The following ACYP2 variants were observed in gnomAD, a reference collection of about 807,000 sequenced individuals.
The protein encoded by ACYP2 is acylphosphatase-2.
Under a neutral mutation model 11.2 loss-of-function variants are expected in ACYP2, and 12 were observed. That is an observed-to-expected ratio of 1.08 (90% CI 0.69 to 1.74). The LOEUF (loss-of-function observed/expected upper bound fraction) is 1.74, where lower values mean the gene tolerates loss of function less well. Ranked by LOEUF, ACYP2 falls within the 40% of genes most tolerant of loss-of-function variation. The probability of loss-of-function intolerance (pLI) is 0.00; values close to 1 mark genes in which losing one functional copy is unlikely to be tolerated. For synonymous variants in ACYP2, 43 were observed against 32.2 expected (o/e 1.33, Z -1.13); for missense variants, 134 against 101.9 (o/e 1.31, Z -1.35).
chr2:54,012,785 A>T (rs983108209), intron 2 of ACYP2, among the ~76,000 whole-genome samples: 1 of 152,148 alleles, frequency 6.6e-6, no homozygotes, highest in Non-Finnish European at 1.5e-5. Context: ...ACTAGCAGCC[A>T]GAGTTTTCCT....
At chr2:54,104,964 A>G (rs529881071) in intron 4 of ACYP2, among the ~76,000 whole-genome samples, 4 of 152,280 alleles carry the variant, frequency 2.6e-5, no homozygotes, top group African/African-American at 7.2e-5. Context: ...GGCATGGGGT[A>G]TAATTCAGGT....
chr2:54,144,217 C>T (rs146828153), intron 6 of ACYP2, among the ~76,000 whole-genome samples: 152 of 152,160 alleles, frequency 1.0e-3, no homozygotes, highest in African/African-American at 3.3e-3. Flanking sequence ...AAACGATCCT[C>T]CTGCCTCGGC....
At chr2:54,235,342 TTTTTGTTCTGTTTTG>T (rs1686427410) in intron 6 of ACYP2, among the ~76,000 whole-genome samples, 1 of 152,084 alleles carries the variant, frequency 6.6e-6, no homozygotes. Context: ...TCACAAGTTT[TTTTTGTTCTGTTTTG>T]TTTTGTTTTG....
At chr2:54,001,069 C>T (rs922605835) in intron 2 of ACYP2, among the ~76,000 whole-genome samples, 3 of 152,106 alleles carry the variant, frequency 2.0e-5, no homozygotes, top group African/African-American at 7.2e-5. Flanking sequence ...AATTTTGATT[C>T]CTTGGCTTAG....
intron 6 of ACYP2, among the ~76,000 whole-genome samples, chr2:54,258,996 A>T (rs1481365254): frequency 6.6e-6 from 1 of 152,228 alleles, no homozygotes; most frequent in Non-Finnish European, 1.5e-5. Flanking sequence ...ATCCATTCCC[A>T]TGAGAAGTTA....
At chr2:54,202,889 A>G (rs566796322) in intron 6 of ACYP2, among the ~76,000 whole-genome samples, 2 of 151,844 alleles carry the variant, frequency 1.3e-5, no homozygotes, top group African/African-American at 4.8e-5. Flanking sequence ...GTAAGTTTTC[A>G]AATTGAAAAG....
intron 6 of ACYP2, among the ~76,000 whole-genome samples, chr2:54,242,713 T>C (rs1011229663): frequency 6.6e-6 from 1 of 152,190 alleles, no homozygotes; most frequent in African/African-American, 2.4e-5. Flanking sequence ...TTGCACTCCA[T>C]GTGCGCCATT....
chr2:53,982,525 G>A (rs1305955128), intron 2 of ACYP2, among the ~76,000 whole-genome samples: 1 of 152,140 alleles, frequency 6.6e-6, no homozygotes. Flanking sequence ...ATAACCAAAT[G>A]TCAGCTGGGG....
intron 2 of ACYP2, among the ~76,000 whole-genome samples, chr2:54,021,811 A>C (rs1483731101): frequency 6.6e-6 from 1 of 152,174 alleles, no homozygotes; most frequent in Non-Finnish European, 1.5e-5. Context: ...TTATTTTACA[A>C]CTGGGTTGTA....
chr2:54,031,502 C>T (rs558579158), intron 2 of ACYP2, among the ~76,000 whole-genome samples: 2 of 152,126 alleles, frequency 1.3e-5, no homozygotes, highest in African/African-American at 4.8e-5. Flanking sequence ...ATATGTGCGA[C>T]ATTTTCTTAA....
chr2:54,064,861 G>A (rs947441748), intron 4 of ACYP2, among the ~76,000 whole-genome samples: 14 of 152,086 alleles, frequency 9.2e-5, no homozygotes, highest in African/African-American at 9.7e-5. Flanking sequence ...CGAAGCGGGC[G>A]GATCACAAAG....
In ACYP2 at chr2:54,305,216, T is replaced by A. The variant is rs1689872913; in HGVS notation, c.*414T>A. ...ATTTGTTACTACGGTTATTTGTTAT[T>A]AAACTCTTCAAAAAGAACCAGTGAT... On this transcript the variant is annotated 3_prime_UTR_variant, in exon 7 of 7. Coordinates refer to ENST00000607452, the MANE Select transcript of ACYP2 (RefSeq NM_001320586.2). 1 of 153,096 alleles carries A rather than the reference T, an allele frequency of 6.5e-6. No homozygotes were observed. The highest frequency in any genetic ancestry group is 2.4e-5 in the African/African-American group (1 of 41,490). The allele number at this position is 153,096 out of a possible 1,614,324, so 9.5% of individuals were successfully genotyped here.
chr2:54,035,534 G>T (rs1417097918), intron 2 of ACYP2, among the ~76,000 whole-genome samples: 1 of 152,028 alleles, frequency 6.6e-6, no homozygotes, highest in Admixed American at 6.6e-5. Context: ...CAAAGTGCTG[G>T]AATTACAGGT....
chr2:54,039,626 C>T (rs1299032964), intron 2 of ACYP2, among the ~76,000 whole-genome samples: 8 of 151,878 alleles, frequency 5.3e-5, no homozygotes. Flanking sequence ...GGGGTTTCAT[C>T]ATGTTGCCCA....
chr2:54,266,183 T>G (rs1397342647), intron 6 of ACYP2, among the ~76,000 whole-genome samples: 1 of 152,238 alleles, frequency 6.6e-6, no homozygotes, highest in Non-Finnish European at 1.5e-5. Flanking sequence ...ACTTATGGTC[T>G]GCAACTAAAG....
At chr2:54,052,727 GCAATAGA>G (rs1447671962) in intron 3 of ACYP2, among the ~76,000 whole-genome samples, 2 of 152,208 alleles carry the variant, frequency 1.3e-5, no homozygotes, top group Non-Finnish European at 2.9e-5. Flanking sequence ...TTCAAGAAAG[GCAATAGA>G]TTTCTGAGGT....
intron 4 of ACYP2, among the ~76,000 whole-genome samples, chr2:54,131,339 G>C (rs1232192517): frequency 1.4e-4 from 22 of 152,156 alleles, no homozygotes; most frequent in Admixed American, 1.4e-3. Context: ...TAGGCTAATG[G>C]TCTTTGTCAT....
intron 4 of ACYP2, chr2:54,123,182 C>T: frequency 2.5e-6 from 1 of 394,386 alleles, no homozygotes; most frequent in Non-Finnish European, 4.5e-6. Context: ...AGGAATGACA[C>T]ACTAATGATA....
intron 4 of ACYP2, among the ~76,000 whole-genome samples, chr2:54,116,528 A>G (rs1194821015): frequency 8.0e-6 from 1 of 125,034 alleles, no homozygotes; most frequent in African/African-American, 2.9e-5. Context: ...TGCTCACCCT[A>G]TCATACTTTT....
Sources: allele counts gnomAD v4.1 joint callset (sites outside exome capture counted in the v4.1 genomes callset), GRCh38; gene constraint gnomAD v4.1.1; transcripts MANE v1.5; gene names NCBI Gene and HGNC (gene_info 2026-07-23, HGNC 2026-07-21).